The following CLASP2 variants were observed in gnomAD, a reference collection of about 807,000 sequenced individuals.
CLASP2 encodes CLIP-associating protein 2.
A neutral mutation model predicts 194.4 loss-of-function variants in CLASP2; 47 were observed. That is an observed-to-expected ratio of 0.24 (90% CI 0.19 to 0.31). CLASP2 has a LOEUF of 0.31. CLASP2 is among the 10% of genes least tolerant of loss of function. CLASP2 has a pLI of 1.00. For synonymous variants in CLASP2, 619 were observed against 633.5 expected, an observed-to-expected ratio of 0.98 and a Z score of 0.34; for missense variants, 1,445 against 1,823.6, an observed-to-expected ratio of 0.79 and a Z score of 3.78.
intron 1 of CLASP2, among the ~76,000 whole-genome samples, chr3:33,702,769 T>A (rs2092458608): frequency 6.6e-6 from 1 of 152,144 alleles, no homozygotes; most frequent in South Asian, 2.1e-4. Context: ...ACCCATTTTT[T>A]AAAATGAGCA....
chr3:33,683,931 CAAAAAAAA>C (rs35349805), intron 6 of CLASP2, among the ~76,000 whole-genome samples: 2 of 78,890 alleles, frequency 2.5e-5, no homozygotes, highest in Non-Finnish European at 4.9e-5. Context: ...GACTCTGTCT[CAAAAAAAA>C]AAAAAAAAAA....
At position 33,628,181 on chromosome 3, in the gene CLASP2, C is replaced by T. The variant is rs561994047; in HGVS notation, c.943-1101G>A. On this transcript the variant is annotated intron_variant, in intron 9 of 38. Coordinates refer to ENST00000682230, the MANE Select transcript of CLASP2 (RefSeq NM_001365631.1). ...AAGAGCAAGAGAGAAAGAAAGAATG[C>T]GTGTAAATGCAAAGGAGAACAAGGC... Among the ~76,000 whole-genome samples, 29 of 152,194 alleles carry T rather than the reference C, an allele frequency of 1.9e-4. No homozygotes were observed. The South Asian group carries it at 3.3e-3, about 17-fold the overall frequency.
At position 33,544,374 on chromosome 3, in the gene CLASP2, T is replaced by C. The variant is rs540998706; in HGVS notation, c.3297+324A>G. ...TTGTTAGTCCTCAAATAAGAATTGATTCATCTAAAGAGCATGTCCTGATTC... is the reference window on the plus strand; with the variant it reads ...TTGTTAGTCCTCAAATAAGAATTGACTCATCTAAAGAGCATGTCCTGATTC... On this transcript the variant is annotated intron_variant, in intron 31 of 38. Coordinates refer to ENST00000682230, the MANE Select transcript of CLASP2 (RefSeq NM_001365631.1). 2.6e-5 allele frequency among the ~76,000 whole-genome samples: 4 copies of C among 152,290 alleles called. 1 individual carries two copies. The highest frequency in any genetic ancestry group is 7.2e-5 in the African/African-American group (3 of 41,568).
chr3:33,701,008 A>C (rs144441789), intron 1 of CLASP2, among the ~76,000 whole-genome samples: 2 of 152,220 alleles, frequency 1.3e-5, no homozygotes, highest in East Asian at 3.8e-4. Context: ...GAAATCACAA[A>C]ATGCTAATGA....
At chr3:33,662,481 T>A (rs1344511462) in intron 7 of CLASP2, among the ~76,000 whole-genome samples, 1 of 152,214 alleles carries the variant, frequency 6.6e-6, no homozygotes, top group African/African-American at 2.4e-5. Context: ...TGAGGACTGG[T>A]AGCACTGAAG....
In CLASP2 at chr3:33,535,236, C is replaced by A; in HGVS notation, c.3784G>T (p.Asp1262Tyr). Residue 1262 changes from aspartate to tyrosine, a missense_variant, in exon 34 of 39, where the codon GAC becomes TAC. This residue lies in a region of CLASP2 where 732 missense variants were observed against 987.9 expected (regional missense o/e 0.74). Transcript: ENST00000682230. ...MFDDDADQFPDDLSLDHSDLV... is the reference protein window; with the variant it reads ...MFDDDADQFPYDLSLDHSDLV... ...AGCAGTGTGACCCAGAACATACCGT[C>A]AGGAAACTGGTCAGCATCATCATCA... 6.2e-7 allele frequency: 1 copy of A among 1,611,228 alleles called. No individual in the cohort carries two copies. Among genetic ancestry groups the A allele is most frequent in the South Asian group, 1.1e-5 (1 of 90,944 alleles).
intron 8 of CLASP2, among the ~76,000 whole-genome samples, chr3:33,641,247 A>G (rs1297581940): frequency 6.6e-6 from 1 of 152,008 alleles, no homozygotes; most frequent in Non-Finnish European, 1.5e-5. Flanking sequence ...AAAGATATAA[A>G]TATTTTAAAT....
At chr3:33,607,716 G>A (rs2074205677) in intron 14 of CLASP2, among the ~76,000 whole-genome samples, 1 of 151,998 alleles carries the variant, frequency 6.6e-6, no homozygotes, top group African/African-American at 2.4e-5. Flanking sequence ...ATGGAATTCA[G>A]ATAGTGTATA....
chr3:33,583,043 C>A (rs532609777), intron 22 of CLASP2, among the ~76,000 whole-genome samples: 2 of 152,002 alleles, frequency 1.3e-5, no homozygotes, highest in Non-Finnish European at 2.9e-5. Context: ...TGAATGTGTA[C>A]GAGCAAAGCA....
chr3:33,586,187 T>C (rs906976265), intron 21 of CLASP2, among the ~76,000 whole-genome samples: 2 of 151,682 alleles, frequency 1.3e-5, no homozygotes, highest in Admixed American at 1.3e-4. Flanking sequence ...CAGGCTGGAG[T>C]GCAGTGGCGC....
chr3:33,501,641 G>C lies in CLASP2; in HGVS notation c.4434+11C>G, dbSNP rs1235746714. The C allele has an allele frequency of 2.6e-6, 4 of 1,513,040 alleles. 1 individual carries two copies. The South Asian group carries it at 3.4e-5, about 13-fold the overall frequency. 93.7% of individuals were successfully genotyped at this position (1,513,040 alleles called of 1,614,324 possible). Reference sequence around the variant, plus strand: ...TGGCCACCATCTCTAAAACACAGCAGCACTACTTACTTTACTGCCAGTAAG... The same window carrying C: ...TGGCCACCATCTCTAAAACACAGCACCACTACTTACTTTACTGCCAGTAAG... On this transcript the variant is annotated intron_variant, in intron 38 of 38. Coordinates refer to ENST00000682230, the MANE Select transcript of CLASP2 (RefSeq NM_001365631.1).
intron 13 of CLASP2, among the ~76,000 whole-genome samples, chr3:33,610,044 G>A (rs927236222): frequency 3.9e-5 from 6 of 152,118 alleles, no homozygotes; most frequent in Non-Finnish European, 5.9e-5. Context: ...CATGAAATAC[G>A]TTTTGAACTT....
At chr3:33,539,406 C>T (rs911588387) in intron 32 of CLASP2, among the ~76,000 whole-genome samples, 2 of 152,108 alleles carry the variant, frequency 1.3e-5, no homozygotes, top group Non-Finnish European at 2.9e-5. Context: ...GTGATCTCAG[C>T]TCACTGCAAC....
At chr3:33,615,174 G>A (rs1440255698) in intron 12 of CLASP2, among the ~76,000 whole-genome samples, 1 of 151,820 alleles carries the variant, frequency 6.6e-6, no homozygotes, top group Non-Finnish European at 1.5e-5. Flanking sequence ...GGAAGTGACA[G>A]TATACCAATA....
At chr3:33,715,131 T>C (rs1418911845) in intron 1 of CLASP2, among the ~76,000 whole-genome samples, 1 of 152,224 alleles carries the variant, frequency 6.6e-6, no homozygotes, top group Non-Finnish European at 1.5e-5. Context: ...TTCTTGACTC[T>C]TATGTTTCTT....
At chr3:33,556,272 TACTC>T (rs1038521536) in intron 29 of CLASP2, among the ~76,000 whole-genome samples, 3 of 152,200 alleles carry the variant, frequency 2.0e-5, no homozygotes, top group Non-Finnish European at 2.9e-5. Context: ...CTAGATCTGA[TACTC>T]AAGTTACATG....
chr3:33,533,746 A>G (rs1002071682), intron 34 of CLASP2, among the ~76,000 whole-genome samples: 1 of 151,936 alleles, frequency 6.6e-6, no homozygotes, highest in African/African-American at 2.4e-5. Context: ...ACAGGGTCTC[A>G]CTCTGTTGCC....
At chr3:33,561,688 GA>G (rs983242336) in intron 27 of CLASP2, among the ~76,000 whole-genome samples, 98 of 152,106 alleles carry the variant, frequency 6.4e-4, no homozygotes, top group African/African-American at 2.2e-3. Context: ...TTATAAGGTA[GA>G]AAAAAATTAT....
chr3:33,667,537 A>G (rs2086423179), intron 6 of CLASP2, among the ~76,000 whole-genome samples: 1 of 149,762 alleles, frequency 6.7e-6, no homozygotes, highest in Non-Finnish European at 1.5e-5. Flanking sequence ...CAATTTATCT[A>G]TTTTTCTCCA....
Sources: gnomAD v4.1 joint callset for allele counts (sites outside exome capture counted in the v4.1 genomes callset) on GRCh38, gnomAD v4.1.1 for gene constraint, gnomAD v4.1.1 regional missense constraint, MANE v1.5 for transcripts, NCBI Gene and HGNC (gene_info 2026-07-23, HGNC 2026-07-21) for gene names.